SLC24A2: variants seen among roughly 807,000 people sequenced by gnomAD.
The protein encoded by SLC24A2 is solute carrier family 24 member 2, also known as sodium/potassium/calcium exchanger 2.
SLC24A2 carries 36 observed loss-of-function variants against 62.0 expected under a neutral mutation model. The ratio of observed to expected loss-of-function variants is 0.58; its 90% CI spans 0.44 to 0.77. The LOEUF (loss-of-function observed/expected upper bound fraction) is 0.77. Among genes scored for constraint, SLC24A2 ranks in the 30% least tolerant of loss-of-function variants. SLC24A2 has a pLI of 0.00. For synonymous variants in SLC24A2, 358 were observed against 294.0 expected, an observed-to-expected ratio of 1.22 and a Z score of -2.23; for missense variants, 846 against 817.9, an observed-to-expected ratio of 1.03 and a Z score of -0.42.
intron 2 of SLC24A2, among the ~76,000 whole-genome samples, chr9:19,712,504 G>T (rs1820743089): frequency 6.6e-6 from 1 of 152,156 alleles, no homozygotes; most frequent in Admixed American, 6.5e-5. Flanking sequence ...TCCTTGGGGA[G>T]TTTGGAATAG....
chr9:19,808,253 T>G, the SLC24A2 span, among the ~76,000 whole-genome samples: 1 of 152,218 alleles, frequency 6.6e-6, no homozygotes, highest in African/African-American at 2.4e-5. The surrounding 1 kb of genome is among the most constrained non-coding windows in gnomAD (Gnocchi z 4.1). Context: ...GTACTTGAAT[T>G]AACTGCAGTA....
At chr9:20,024,478 T>C in the SLC24A2 span, among the ~76,000 whole-genome samples, 1 of 152,214 alleles carries the variant, frequency 6.6e-6, no homozygotes, top group African/African-American at 2.4e-5. Flanking sequence ...TACCGAATTT[T>C]TGACAAGGCT....
At chr9:20,062,945 C>A in the SLC24A2 span, among the ~76,000 whole-genome samples, 5 of 117,190 alleles carry the variant, frequency 4.3e-5, no homozygotes, top group South Asian at 6.2e-4. Context: ...CAATGAGATA[C>A]CATCTCACAC....
chr9:20,228,257 A>T, the SLC24A2 span, among the ~76,000 whole-genome samples: 6 of 152,136 alleles, frequency 3.9e-5, no homozygotes, highest in African/African-American at 1.2e-4. Context: ...AGTGGTTTCC[A>T]AGAATCAGGG....
the SLC24A2 span, among the ~76,000 whole-genome samples, chr9:20,283,522 C>T: frequency 6.6e-6 from 1 of 152,124 alleles, no homozygotes; most frequent in East Asian, 1.9e-4. Flanking sequence ...TCGAATTACC[C>T]CGAGTTATGG....
At chr9:19,584,294 C>CAAAAAAAAAAAAAAAAAAAAAAAAAA (rs1563982341) in intron 5 of SLC24A2, among the ~76,000 whole-genome samples, 1 of 92,374 alleles carries the variant, frequency 1.1e-5, no homozygotes, top group Non-Finnish European at 2.2e-5. Context: ...AAAAAAAAAA[C>CAAAAAAAAAAAAAAAAAAAAAAAAAA]AAACAAAAAA....
the SLC24A2 span, among the ~76,000 whole-genome samples, chr9:20,100,184 G>C: frequency 6.6e-6 from 1 of 151,824 alleles, no homozygotes; most frequent in Non-Finnish European, 1.5e-5. Flanking sequence ...CTTTTTGTGT[G>C]TGTGTGTGTG....
chr9:19,762,528 G>A (rs1822369045), intron 2 of SLC24A2, among the ~76,000 whole-genome samples: 1 of 152,108 alleles, frequency 6.6e-6, no homozygotes, highest in African/African-American at 2.4e-5. Flanking sequence ...TCTGCATATG[G>A]CTAGCCAGTT....
chr9:19,744,257 T>A (rs897637082), intron 2 of SLC24A2, among the ~76,000 whole-genome samples: 1 of 152,208 alleles, frequency 6.6e-6, no homozygotes, highest in African/African-American at 2.4e-5. Context: ...CTATGTTTTC[T>A]ATTTTCTCCC....
At chr9:19,899,793 A>C in the SLC24A2 span, among the ~76,000 whole-genome samples, 1 of 152,194 alleles carries the variant, frequency 6.6e-6, no homozygotes, top group Non-Finnish European at 1.5e-5. Flanking sequence ...AGCAAGGAGA[A>C]TAAGCAAAAG....
At chr9:19,734,180 A>T (rs1466792354) in intron 2 of SLC24A2, among the ~76,000 whole-genome samples, 1 of 152,070 alleles carries the variant, frequency 6.6e-6, no homozygotes, top group Non-Finnish European at 1.5e-5. Context: ...AGGTTTGTCA[A>T]AGATCAGATA....
chr9:19,534,069 A>G (rs1461906058), intron 8 of SLC24A2, among the ~76,000 whole-genome samples: 1 of 152,178 alleles, frequency 6.6e-6, no homozygotes, highest in Non-Finnish European at 1.5e-5. Context: ...CTGGCAGGGA[A>G]TCCAGAAACC....
intron 2 of SLC24A2, among the ~76,000 whole-genome samples, chr9:19,738,398 CGA>C (rs1257826263): frequency 6.6e-6 from 1 of 151,512 alleles, no homozygotes; most frequent in Non-Finnish European, 1.5e-5. Context: ...TAACAGATCC[CGA>C]GAGAGAGAGA....
At chr9:20,022,369 G>C in the SLC24A2 span, among the ~76,000 whole-genome samples, 5 of 152,030 alleles carry the variant, frequency 3.3e-5, no homozygotes, top group African/African-American at 1.2e-4. Context: ...ACAATCCTTG[G>C]GGGTAAGTAC....
chr9:20,056,946 T>C, the SLC24A2 span, among the ~76,000 whole-genome samples: 1 of 152,236 alleles, frequency 6.6e-6, no homozygotes, highest in Admixed American at 6.5e-5. Context: ...TGGAGAGAGA[T>C]ATTTTCCTTA....
chr9:19,910,769 C>T, the SLC24A2 span, among the ~76,000 whole-genome samples: 1 of 152,084 alleles, frequency 6.6e-6, no homozygotes, highest in African/African-American at 2.4e-5. Flanking sequence ...TCTGAAAAGC[C>T]TTCCCAGAGA....
intron 8 of SLC24A2, among the ~76,000 whole-genome samples, chr9:19,540,471 G>A (rs1385660320): frequency 6.6e-6 from 1 of 151,240 alleles, no homozygotes; most frequent in Non-Finnish European, 1.5e-5. Flanking sequence ...ATGAAGCTTA[G>A]TTTGCCTGGA....
chr9:20,033,540 G>C, the SLC24A2 span, among the ~76,000 whole-genome samples: 1 of 152,182 alleles, frequency 6.6e-6, no homozygotes, highest in Non-Finnish European at 1.5e-5. Flanking sequence ...CAATGGACAG[G>C]ATTCTTATTA....
the SLC24A2 span, among the ~76,000 whole-genome samples, chr9:20,017,385 A>G: frequency 6.6e-6 from 1 of 152,136 alleles, no homozygotes; most frequent in Admixed American, 6.6e-5. Flanking sequence ...AAATTTTTCT[A>G]TTTTTTGGCA....
Sources: gnomAD v4.1 joint callset for allele counts (sites outside exome capture counted in the v4.1 genomes callset) on GRCh38, gnomAD v4.1.1 for gene constraint, Gnocchi (gnomAD v3.1) non-coding constraint, MANE v1.5 for transcripts, NCBI Gene and HGNC (gene_info 2026-07-23, HGNC 2026-07-21) for gene names.